Variants in APC observed in about 807,000 individuals in gnomAD.
APC encodes APC regulator of Wnt signaling pathway.
A neutral mutation model predicts 247.0 loss-of-function variants in APC; 72 were observed. The observed-to-expected ratio is 0.29, with a 90% CI of 0.24 to 0.35. APC has a LOEUF of 0.35. Among genes scored for constraint, APC ranks in the 10% least tolerant of loss-of-function variants. APC has a pLI of 1.00. For synonymous variants in APC, 1,254 were observed against 1,162.5 expected, an observed-to-expected ratio of 1.08 and a Z score of -1.60; for missense variants, 3,400 against 3,360.7, an observed-to-expected ratio of 1.01 and a Z score of -0.29.
rs1169702353 is a variant in APC at position 112,838,043 on chromosome 5, G to A, written c.2449G>A (p.Gly817Ser). The A allele has an allele frequency of 6.2e-7, 1 of 1,614,032 alleles. No homozygotes were observed. Among genetic ancestry groups the A allele is most frequent in the East Asian group, 2.2e-5 (1 of 44,874 alleles). ...TAATAGGTCAGACAATTTTAATACT[G>A]GCAACATGACTGTCCTTTCACCATA... ...DDNRSDNFNT[G>S]NMTVLSPYLN... Residue 817 changes from glycine (G) to serine (S), a missense_variant, in exon 16 of 16, where the codon GGC becomes AGC. This residue lies in a region of APC where 715 missense variants were observed against 656.6 expected (regional missense o/e 1.09). Transcript: ENST00000257430.
intron 14 of APC, among the ~76,000 whole-genome samples, chr5:112,832,861 A>C (rs991903892): frequency 6.6e-5 from 10 of 152,140 alleles, no homozygotes; most frequent in Admixed American, 5.2e-4. Context: ...CCCCAAAGCA[A>C]ATTGCTAACA....
chr5:112,755,164 A>G, intron 2 of APC, 139 bp downstream of exon 2: 1 of 1,247,664 alleles, frequency 8.0e-7, no homozygotes, highest in Non-Finnish European at 1.1e-6. Context: ...TGCAAAAGTT[A>G]GCATTTATAT....
At chr5:112,818,085 A>C (rs1284917953) in intron 9 of APC, among the ~76,000 whole-genome samples, 1 of 152,198 alleles carries the variant, frequency 6.6e-6, no homozygotes. Flanking sequence ...TACCCATCCT[A>C]CAATTGTGAC....
chr5:112,745,628 A>G (rs1411407523), intron 1 of APC, among the ~76,000 whole-genome samples: 1 of 151,806 alleles, frequency 6.6e-6, no homozygotes, highest in Non-Finnish European at 1.5e-5. Context: ...CAGTGTTGCA[A>G]TCTCGGCTCA....
rs752774532 is a variant in APC at position 112,821,927 on chromosome 5, T to A, written c.1344T>A (p.Pro448=). The A allele has an allele frequency of 3.7e-6, 6 of 1,613,334 alleles. No homozygotes were observed. In the East Asian group the frequency reaches 1.3e-4, roughly 36 times the overall value. The change falls in exon 11 of 16, where the codon CCT becomes CCA. Residue 448 remains proline, a synonymous_variant. Transcript: ENST00000257430. The part of the protein sequence containing the change: ...MPAPVEHQIC[P]AVCVLMKLSF... ...CTCCTGTTGAACATCAGATCTGTCCTGCTGTGTGTGTTCTAATGAAACTTT... is the reference window on the plus strand; with the variant it reads ...CTCCTGTTGAACATCAGATCTGTCCAGCTGTGTGTGTTCTAATGAAACTTT...
At chr5:112,801,517 A>G (rs1418120180) in intron 8 of APC, 134 bp downstream of exon 8, 1 of 624,586 alleles carries the variant, frequency 1.6e-6, no homozygotes, top group Non-Finnish European at 2.8e-6. Context: ...AGAAGCATTC[A>G]GTACCAATGT....
In APC at chr5:112,840,184, A is replaced by G. The variant is rs1233687155; in HGVS notation, c.4590A>G (p.Glu1530=). The change falls in exon 16 of 16, where the codon GAA becomes GAG. Residue 1530 remains glutamate (E), a synonymous_variant. Transcript: ENST00000257430. The surrounding 1 kb of genome is among the most constrained non-coding windows in gnomAD (Gnocchi z 4.1). ...TAAGAATAATGCCTCCAGTTCAGGA[A>G]AATGACAATGGGAATGAAACAGAAT... The part of the protein sequence containing the change: ...VELRIMPPVQ[E]NDNGNETESE... The G allele has an allele frequency of 6.2e-7, 1 of 1,614,242 alleles. No homozygotes were observed. Among genetic ancestry groups the G allele is most frequent in the Non-Finnish European group, 8.5e-7 (1 of 1,180,032 alleles).
intron 4 of APC, among the ~76,000 whole-genome samples, chr5:112,771,858 T>C (rs1256721899): frequency 6.6e-6 from 1 of 152,196 alleles, no homozygotes; most frequent in Non-Finnish European, 1.5e-5. Flanking sequence ...CTCCTCAAGA[T>C]AAATGCTAGA....
chr5:112,737,672 G>C (rs891761278), upstream of APC, among the ~76,000 whole-genome samples: 8 of 152,252 alleles, frequency 5.3e-5, no homozygotes, highest in African/African-American at 1.9e-4. Flanking sequence ...ACCCCCGAGG[G>C]GTACGGGGCT....
chr5:112,723,641 G>C (rs139710993), intron 1 of APC, among the ~76,000 whole-genome samples: 1 of 152,088 alleles, frequency 6.6e-6, no homozygotes, highest in African/African-American at 2.4e-5. Flanking sequence ...TGTGTTGACC[G>C]GAATGATGAT....
intron 7 of APC, 51 bp from the exon 8 acceptor site, chr5:112,801,228 A>G: frequency 6.7e-7 from 1 of 1,501,390 alleles, no homozygotes; most frequent in South Asian, 1.2e-5. Flanking sequence ...CCTTGGGCTA[A>G]GAAAGCCTAC....
chr5:112,767,513 T>A, intron 4 of APC, 123 bp downstream of exon 4: 1 of 764,930 alleles, frequency 1.3e-6, no homozygotes, highest in East Asian at 2.7e-5. Flanking sequence ...ATTTTGCATT[T>A]TTAAACTCAA....
chr5:112,791,488 G>C (rs951010973), intron 6 of APC, among the ~76,000 whole-genome samples: 7 of 152,268 alleles, frequency 4.6e-5, no homozygotes, highest in African/African-American at 1.7e-4. Context: ...TGCATTAGGA[G>C]CATGAACCCG....
intron 6 of APC, among the ~76,000 whole-genome samples, chr5:112,785,284 T>C (rs1758813773): frequency 6.6e-6 from 1 of 152,086 alleles, no homozygotes; most frequent in Non-Finnish European, 1.5e-5. Flanking sequence ...AGAAAAGCTA[T>C]ACAAAATGAA....
chr5:112,819,237 G>C lies in APC; in HGVS notation c.1205G>C (p.Arg402Pro), dbSNP rs878853416. The change falls in exon 10 of 16, where the codon CGT (arginine) becomes CCT (proline). Residue 402 changes from arginine to proline, a missense_variant. Transcript: ENST00000257430. ...CAGCCTGATGACAAGAGAGGCAGGC[G>C]TGAAATCCGAGTCCTTCATCTTTTG... ...HSQPDDKRGR[R>P]EIRVLHLLEQ... The C allele has an allele frequency of 6.2e-7, 1 of 1,613,908 alleles. No homozygotes were observed. The highest frequency in any genetic ancestry group is 8.5e-7 in the Non-Finnish European group (1 of 1,179,924).
intron 2 of APC, among the ~76,000 whole-genome samples, chr5:112,764,054 G>C (rs1361394910): frequency 6.7e-6 from 1 of 149,102 alleles, no homozygotes; most frequent in African/African-American, 2.5e-5. Context: ...TGGCTAACAC[G>C]GTGAAACCCC....
chr5:112,818,575 A>T lies in APC; in HGVS notation c.934-391A>T, dbSNP rs1762749308. 1.3e-5 allele frequency among the ~76,000 whole-genome samples: 2 copies of T among 152,216 alleles called. 1 individual carries two copies. The highest frequency in any genetic ancestry group is 4.1e-4 in the South Asian group (2 of 4,830). Reference sequence around the variant, plus strand: ...AAGAAATAAGATAAAGTTTTAAATTATGTAAAGATTTAGATAAACTACATT... The same window carrying T: ...AAGAAATAAGATAAAGTTTTAAATTTTGTAAAGATTTAGATAAACTACATT... On this transcript the variant is annotated intron_variant, in intron 9 of 15. Coordinates refer to ENST00000257430, the MANE Select transcript of APC (RefSeq NM_000038.6).
In APC at chr5:112,770,887, A is replaced by G. The variant is rs920731702; in HGVS notation, c.422+3497A>G. ...ATACACATACATATATATAAGTTCT[A>G]TTTCTTGTTCTTTCCTGTGAGTGAC... On this transcript the variant is annotated intron_variant, in intron 4 of 15. Transcript: ENST00000257430. Among the ~76,000 whole-genome samples the G allele has an allele frequency of 6.6e-5, 10 of 152,168 alleles. No homozygotes were observed. The South Asian group carries it at 2.1e-3, about 32-fold the overall frequency.
At chr5:112,812,394 T>C (rs182658866) in intron 8 of APC, among the ~76,000 whole-genome samples, 20 of 152,266 alleles carry the variant, frequency 1.3e-4, no homozygotes, top group Non-Finnish European at 2.9e-4. Context: ...TTAGCCTGAG[T>C]CTCAGTCCCT....
Sources: gnomAD v4.1 joint callset for allele counts (sites outside exome capture counted in the v4.1 genomes callset) on GRCh38, gnomAD v4.1.1 for gene constraint, gnomAD v4.1.1 regional missense constraint, Gnocchi (gnomAD v3.1) non-coding constraint, MANE v1.5 for transcripts, NCBI Gene and HGNC (gene_info 2026-07-23, HGNC 2026-07-21) for gene names.